FBXW7: variants seen among roughly 807,000 people sequenced by gnomAD.
FBXW7 encodes the protein F-box/WD repeat-containing protein 7.
Under a neutral mutation model 86.3 loss-of-function variants are expected in FBXW7, and 11 were observed. That is an observed-to-expected ratio of 0.13 (90% CI 0.08 to 0.21). The LOEUF is 0.21. Among genes scored for constraint, FBXW7 ranks in the 10% least tolerant of loss-of-function variants. The probability of loss-of-function intolerance (pLI) is 1.00; values close to 1 mark genes in which losing one functional copy is unlikely to be tolerated. For missense variants in FBXW7, 488 were observed against 847.4 expected, an observed-to-expected ratio of 0.58 and a Z score of 5.27; for synonymous variants, 313 against 297.9, an observed-to-expected ratio of 1.05 and a Z score of -0.52.
intron 4 of FBXW7, among the ~76,000 whole-genome samples, chr4:152,380,318 C>G (rs1734951849): frequency 6.6e-6 from 1 of 151,670 alleles, no homozygotes; most frequent in Non-Finnish European, 1.5e-5. Flanking sequence ...AAATGTAAAT[C>G]AACTAACCAT....
chr4:152,510,219 C>T (rs1473357989), intron 2 of FBXW7, among the ~76,000 whole-genome samples: 1 of 152,182 alleles, frequency 6.6e-6, no homozygotes, highest in Non-Finnish European at 1.5e-5. Context: ...ACTCTAAATG[C>T]TAATTCTCTT....
At chr4:152,393,665 C>T (rs1243844063) in intron 4 of FBXW7, among the ~76,000 whole-genome samples, 1 of 152,100 alleles carries the variant, frequency 6.6e-6, no homozygotes, top group East Asian at 1.9e-4. Context: ...AAATGAATAA[C>T]TGTTGGCACT....
At chr4:152,532,172 C>T (rs1196530577) in intron 2 of FBXW7, among the ~76,000 whole-genome samples, 1 of 152,180 alleles carries the variant, frequency 6.6e-6, no homozygotes, top group Non-Finnish European at 1.5e-5. Context: ...GAAACTGCAC[C>T]AGTATCCAAT....
intron 2 of FBXW7, among the ~76,000 whole-genome samples, chr4:152,522,316 G>T (rs759012561): frequency 2.0e-5 from 3 of 152,160 alleles, no homozygotes; most frequent in Non-Finnish European, 4.4e-5. Flanking sequence ...TGAAAAAAGT[G>T]TAAGGACTTT....
chr4:152,323,961 C>T (rs555314923), intron 13 of FBXW7: 2 of 508,048 alleles, frequency 3.9e-6, no homozygotes, highest in African/African-American at 3.9e-5. Context: ...ATTGAACATG[C>T]AGGAAGTGAT....
intron 2 of FBXW7, among the ~76,000 whole-genome samples, chr4:152,438,431 A>C (rs780921924): frequency 6.6e-6 from 1 of 152,038 alleles, no homozygotes; most frequent in Non-Finnish European, 1.5e-5. Context: ...TAATCTCAGC[A>C]CTTTGGGAGG....
rs949285009 is a variant in FBXW7, at chr4:152,330,823, G to A, written c.1031C>T (p.Pro344Leu). 6.2e-7 allele frequency: 1 copy of A among 1,612,320 alleles called. No homozygotes were observed. Among genetic ancestry groups the A allele is most frequent in the Non-Finnish European group, 8.5e-7 (1 of 1,178,828 alleles). The change falls in exon 9 of 14, where the codon CCA (proline) becomes CTA (leucine). Residue 344 changes from proline (P) to leucine (L), a missense_variant. Transcript: ENST00000281708. ...LHIKRRKVIK[P>L]GFIHSPWKSA... ...TTTCCATGGACTGTGTATGAAACCT[G>A]GTTTTATTACTTTTCTTCTCTTGAT...
chr4:152,341,785 C>T (rs1362713053), intron 6 of FBXW7, among the ~76,000 whole-genome samples: 2 of 152,124 alleles, frequency 1.3e-5, no homozygotes, highest in Non-Finnish European at 2.9e-5. Flanking sequence ...GAAAACCTTG[C>T]AGCTAATGAC....
intron 4 of FBXW7, among the ~76,000 whole-genome samples, chr4:152,376,695 T>G (rs77584926): frequency 2.0e-5 from 3 of 150,718 alleles, no homozygotes; most frequent in East Asian, 1.9e-4. Context: ...AGGTGCTGTG[T>G]TTTTTTTTGG....
At chr4:152,438,837 C>A (rs1740619328) in intron 2 of FBXW7, among the ~76,000 whole-genome samples, 1 of 152,148 alleles carries the variant, frequency 6.6e-6, no homozygotes, top group Admixed American at 6.5e-5. Context: ...AACATGCACA[C>A]CCACTGCTAC....
chr4:152,332,458 G>A (rs868620178), intron 8 of FBXW7, 138 bp downstream of exon 8: 19 of 771,580 alleles, frequency 2.5e-5, no homozygotes, highest in Middle Eastern at 8.3e-4. Context: ...GTTAAGATTC[G>A]GCTCATCTGA....
At chr4:152,383,470 A>C (rs1035985282) in intron 4 of FBXW7, among the ~76,000 whole-genome samples, 1 of 152,174 alleles carries the variant, frequency 6.6e-6, no homozygotes, top group African/African-American at 2.4e-5. Context: ...AGTGTTAATT[A>C]ATCTTTATAC....
At chr4:152,460,902 T>G (rs1170938953) in intron 2 of FBXW7, among the ~76,000 whole-genome samples, 1 of 152,250 alleles carries the variant, frequency 6.6e-6, no homozygotes. Context: ...TCTCAAACTC[T>G]GCTTATTTTT....
intron 2 of FBXW7, among the ~76,000 whole-genome samples, chr4:152,533,374 GACT>G (rs1224852329): frequency 6.6e-6 from 1 of 151,972 alleles, no homozygotes. Context: ...TTTAGAAAAT[GACT>G]ACATTTCTCT....
chr4:152,348,755 A>T, intron 5 of FBXW7: 1 of 1,042,322 alleles, frequency 9.6e-7, no homozygotes, highest in Non-Finnish European at 1.3e-6. Flanking sequence ...CATTAAATGC[A>T]AATTTCTCAT....
At chr4:152,335,658 C>T (rs1730003329) in intron 7 of FBXW7, among the ~76,000 whole-genome samples, 1 of 152,202 alleles carries the variant, frequency 6.6e-6, no homozygotes, top group Non-Finnish European at 1.5e-5. Context: ...TTGTCCAACT[C>T]TGTAAGAATT....
chr4:152,407,044 C>A (rs931519110), intron 4 of FBXW7, among the ~76,000 whole-genome samples: 3 of 152,108 alleles, frequency 2.0e-5, no homozygotes, highest in African/African-American at 4.8e-5. Context: ...TTCACTTAAT[C>A]CTTACAAAAA....
intron 2 of FBXW7, among the ~76,000 whole-genome samples, chr4:152,492,396 A>G (rs1745947864): frequency 6.6e-6 from 1 of 152,188 alleles, no homozygotes; most frequent in Admixed American, 6.5e-5. Context: ...TTCCGAAAAC[A>G]CCTAGAAGTA....
chr4:152,508,482 G>C (rs1747639023), intron 2 of FBXW7, among the ~76,000 whole-genome samples: 1 of 151,990 alleles, frequency 6.6e-6, no homozygotes, highest in South Asian at 2.1e-4. Flanking sequence ...GAGTCCAGGA[G>C]TTCGAGACTA....
Sources: gnomAD v4.1 joint callset for allele counts (sites outside exome capture counted in the v4.1 genomes callset) on GRCh38, gnomAD v4.1.1 for gene constraint, MANE v1.5 for transcripts, NCBI Gene and HGNC (gene_info 2026-07-23, HGNC 2026-07-21) for gene names.